The following TRHDE variants were observed in gnomAD, a reference collection of about 807,000 sequenced individuals.
The protein encoded by TRHDE is thyrotropin-releasing hormone-degrading ectoenzyme.
A neutral mutation model predicts 125.7 loss-of-function variants in TRHDE; 72 were observed. That is an observed-to-expected ratio of 0.57 (90% confidence interval 0.47 to 0.70). TRHDE has a LOEUF of 0.70. Among genes scored for constraint, TRHDE ranks in the 30% least tolerant of loss-of-function variants. The pLI is 0.00. For synonymous variants in TRHDE, 509 were observed against 509.1 expected, an observed-to-expected ratio of 1.00 and a Z score of 0.00; for missense variants, 1,110 against 1,327.1, an observed-to-expected ratio of 0.84 and a Z score of 2.54.
chr12:72,623,286 C>G (rs563224632), intron 15 of TRHDE, among the ~76,000 whole-genome samples: 1 of 151,964 alleles, frequency 6.6e-6, no homozygotes, highest in South Asian at 2.1e-4. Context: ...TTTGTTTTAT[C>G]TTGCTATCAA....
intron 15 of TRHDE, among the ~76,000 whole-genome samples, chr12:72,650,507 A>G (rs1411171316): frequency 6.6e-6 from 1 of 151,808 alleles, no homozygotes. Flanking sequence ...GAACATTGAT[A>G]TTGGAGATTG....
intron 5 of TRHDE, among the ~76,000 whole-genome samples, chr12:72,494,720 G>A (rs1239020977): frequency 6.6e-6 from 1 of 151,932 alleles, no homozygotes; most frequent in Non-Finnish European, 1.5e-5. Context: ...AATTTCTCAG[G>A]TGTGCCTAAT....
chr12:72,572,080 T>TTAC (rs56832325), intron 10 of TRHDE, among the ~76,000 whole-genome samples: 7 of 151,524 alleles, frequency 4.6e-5, no homozygotes, highest in Admixed American at 1.3e-4. Context: ...ATGTCTTTGA[T>TTAC]ATGCACAGGA....
intron 6 of TRHDE, among the ~76,000 whole-genome samples, chr12:72,500,595 T>C (rs1030060823): frequency 1.3e-5 from 2 of 152,036 alleles, no homozygotes; most frequent in African/African-American, 2.4e-5. Flanking sequence ...TTTCACCATG[T>C]TGGCCAGGCT....
chr12:72,326,948 A>G (rs534270593), intron 2 of TRHDE, among the ~76,000 whole-genome samples: 5 of 152,296 alleles, frequency 3.3e-5, no homozygotes, highest in African/African-American at 1.2e-4. Flanking sequence ...TTATATATCT[A>G]TATCTATCTA....
chr12:72,582,254 C>G, intron 12 of TRHDE: 1 of 983,068 alleles, frequency 1.0e-6, no homozygotes, highest in Non-Finnish European at 1.2e-6. Context: ...TATTAGAAGC[C>G]TGGGAATTCA....
At chr12:72,566,979 G>A (rs914666489) in intron 9 of TRHDE, among the ~76,000 whole-genome samples, 5 of 151,856 alleles carry the variant, frequency 3.3e-5, no homozygotes, top group Non-Finnish European at 4.4e-5. Context: ...TTTAATTTGA[G>A]AATCAGACTC....
At chr12:72,212,411 C>T (rs1877801579) in intron 2 of TRHDE, among the ~76,000 whole-genome samples, 1 of 151,652 alleles carries the variant, frequency 6.6e-6, no homozygotes, top group Admixed American at 6.6e-5. Flanking sequence ...TGAATAATAA[C>T]ATCAGGAAGT....
At chr12:72,637,006 A>C (rs1189585350) in intron 15 of TRHDE, among the ~76,000 whole-genome samples, 1 of 152,174 alleles carries the variant, frequency 6.6e-6, no homozygotes, top group Non-Finnish European at 1.5e-5. Flanking sequence ...TATCAGGATG[A>C]TGCTGGCCTC....
intron 2 of TRHDE, among the ~76,000 whole-genome samples, chr12:72,300,383 C>T (rs964494203): frequency 1.3e-5 from 2 of 151,772 alleles, no homozygotes; most frequent in Non-Finnish European, 2.9e-5. Context: ...CACACACACA[C>T]ACACACACAC....
chr12:72,337,054 A>T (rs1273676719), intron 2 of TRHDE, among the ~76,000 whole-genome samples: 1 of 152,202 alleles, frequency 6.6e-6, no homozygotes, highest in Non-Finnish European at 1.5e-5. Context: ...GGTGATTTGT[A>T]TGCATTTTAA....
chr12:72,529,933 C>T (rs1000062514), intron 6 of TRHDE, among the ~76,000 whole-genome samples: 12 of 152,230 alleles, frequency 7.9e-5, no homozygotes, highest in African/African-American at 2.6e-4. Flanking sequence ...CCTATCAATT[C>T]CTGTATACTC....
chr12:72,426,684 G>A (rs1874198192), intron 3 of TRHDE, among the ~76,000 whole-genome samples: 1 of 151,188 alleles, frequency 6.6e-6, no homozygotes, highest in Admixed American at 6.6e-5. Flanking sequence ...TAGTGTTATA[G>A]GTGCTAGAGA....
At chr12:72,534,948 A>G (rs975037762) in intron 6 of TRHDE, among the ~76,000 whole-genome samples, 1 of 152,070 alleles carries the variant, frequency 6.6e-6, no homozygotes, top group Non-Finnish European at 1.5e-5. Context: ...GTCACATGGA[A>G]AAAAGCATTG....
intron 12 of TRHDE, among the ~76,000 whole-genome samples, chr12:72,601,602 A>AT (rs1872210463): frequency 6.6e-6 from 1 of 152,124 alleles, no homozygotes; most frequent in Non-Finnish European, 1.5e-5. Flanking sequence ...AGCAAACGTG[A>AT]TTGTTGCCTT....
chr12:72,469,692 T>C, intron 3 of TRHDE, 66 bp from the exon 4 acceptor site: 3 of 1,530,580 alleles, frequency 2.0e-6, no homozygotes, highest in Non-Finnish European at 2.7e-6. Flanking sequence ...GGACACTTTT[T>C]AGGATATAAA....
intron 12 of TRHDE, among the ~76,000 whole-genome samples, chr12:72,597,717 A>ATG (rs1872019834): frequency 8.1e-4 from 3 of 3,690 alleles, no homozygotes; most frequent in African/African-American, 4.4e-3. Context: ...GTGTATGTAT[A>ATG]TATATATATA....
At chr12:72,217,582 A>C (rs775852223) in intron 2 of TRHDE, among the ~76,000 whole-genome samples, 2 of 152,138 alleles carry the variant, frequency 1.3e-5, no homozygotes, top group Non-Finnish European at 2.9e-5. Context: ...AATCTCTATA[A>C]AACCCAGAAA....
intron 2 of TRHDE, among the ~76,000 whole-genome samples, chr12:72,152,751 T>C (rs1876400181): frequency 6.6e-6 from 1 of 152,208 alleles, no homozygotes; most frequent in Non-Finnish European, 1.5e-5. Context: ...GAAGCCCACT[T>C]GATCATGGTG....
Sources: gnomAD v4.1 joint callset for allele counts (sites outside exome capture counted in the v4.1 genomes callset) on GRCh38, gnomAD v4.1.1 for gene constraint, MANE v1.5 for transcripts, NCBI Gene and HGNC (gene_info 2026-07-23, HGNC 2026-07-21) for gene names.